LRRK1: variants seen among roughly 807,000 people sequenced by gnomAD.
LRRK1 encodes the protein leucine-rich repeat serine/threonine-protein kinase 1.
Under a neutral mutation model 209.1 loss-of-function variants are expected in LRRK1, and 113 were observed. That is an observed-to-expected ratio of 0.54 (90% CI 0.46 to 0.63). LRRK1 has a LOEUF of 0.63. Among genes scored for constraint, LRRK1 ranks in the 30% least tolerant of loss-of-function variants. The pLI, the probability that LRRK1 is intolerant of heterozygous loss-of-function variation, is 0.00. For synonymous variants in LRRK1, 1,144 were observed against 1,099.7 expected, an observed-to-expected ratio of 1.04 and a Z score of -0.80; for missense variants, 2,284 against 2,632.2, an observed-to-expected ratio of 0.87 and a Z score of 2.89.
At chr15:100,922,088 A>T (rs1053003937) in intron 1 of LRRK1, among the ~76,000 whole-genome samples, 5 of 152,370 alleles carry the variant, frequency 3.3e-5, no homozygotes, top group African/African-American at 1.2e-4. Context: ...AAGGAAATTG[A>T]TGAGGTTTTG....
chr15:100,999,817 T>A (rs1399177849), intron 6 of LRRK1, among the ~76,000 whole-genome samples: 1 of 152,242 alleles, frequency 6.6e-6, no homozygotes. Context: ...CCAGATTGTT[T>A]GCCTAGAGTC....
At chr15:101,006,859 A>T (rs1018474748) in intron 6 of LRRK1, among the ~76,000 whole-genome samples, 3 of 152,232 alleles carry the variant, frequency 2.0e-5, no homozygotes, top group African/African-American at 7.2e-5. Context: ...AATTTAAAAA[A>T]TTTTTCAAAA....
chr15:100,919,663 C>G lies in LRRK1; in HGVS notation c.-123+212C>G, dbSNP rs959899273. On this transcript the variant is annotated intron_variant, in intron 1 of 33. Transcript: ENST00000388948. This position sits in a 1 kb window ranked among gnomAD's most constrained non-coding sequence, Gnocchi z 5.8. ...GCGCGGAGGGCGTGTGGGGCGACCC[C>G]GGTCTCACGTCCCCGCTGCCTCCCG... Among the ~76,000 whole-genome samples the G allele has an allele frequency of 1.8e-4, 28 of 151,452 alleles. No homozygotes were observed. Among genetic ancestry groups the G allele is most frequent in the African/African-American group, 6.8e-4 (28 of 41,326 alleles).
intron 3 of LRRK1, among the ~76,000 whole-genome samples, chr15:100,980,522 C>T (rs947681412): frequency 7.9e-5 from 12 of 152,110 alleles, no homozygotes; most frequent in African/African-American, 2.7e-4. Flanking sequence ...AGTGGCTACT[C>T]AAGTCTACAT....
intron 9 of LRRK1, 81 bp downstream of exon 9, chr15:101,010,918 T>A: frequency 2.3e-6 from 3 of 1,322,528 alleles, no homozygotes; most frequent in Non-Finnish European, 3.1e-6. Context: ...AGGTGCATTA[T>A]GTCAGTTCAT....
intron 2 of LRRK1, among the ~76,000 whole-genome samples, chr15:100,935,122 G>A (rs1360426133): frequency 6.6e-6 from 1 of 152,184 alleles, no homozygotes; most frequent in African/African-American, 2.4e-5. Flanking sequence ...GGGAAGCCAG[G>A]AAAATGTCCT....
chr15:100,934,626 CAAAA>C (rs71151991), intron 2 of LRRK1, among the ~76,000 whole-genome samples: 1,037 of 72,318 alleles, frequency 0.014, 12 homozygotes, highest in African/African-American at 0.059. Context: ...CCCATCTCTA[CAAAA>C]AAAAAAAAAA....
intron 20 of LRRK1, among the ~76,000 whole-genome samples, chr15:101,031,009 G>T (rs888292556): frequency 1.3e-5 from 2 of 152,118 alleles, no homozygotes; most frequent in African/African-American, 2.4e-5. Flanking sequence ...TACGATGTTG[G>T]GTTTCCCATT....
chr15:100,948,548 T>A (rs1201100196), intron 2 of LRRK1, among the ~76,000 whole-genome samples: 1 of 152,232 alleles, frequency 6.6e-6, no homozygotes, highest in Non-Finnish European at 1.5e-5. Flanking sequence ...TCGCCATTTG[T>A]CTTTTTACCT....
chr15:101,030,697 A>T (rs911914281), intron 20 of LRRK1, among the ~76,000 whole-genome samples: 6 of 152,024 alleles, frequency 3.9e-5, no homozygotes, highest in African/African-American at 1.5e-4. Flanking sequence ...CCAGTGAAAC[A>T]ATTCTGTTGA....
chr15:101,018,839 G>A (rs1373568186), intron 12 of LRRK1, among the ~76,000 whole-genome samples: 1 of 152,184 alleles, frequency 6.6e-6, no homozygotes, highest in Admixed American at 6.5e-5. Context: ...AAAGAAGGCG[G>A]CTCTTTGCAA....
rs746487549 is a variant in LRRK1 at position 101,025,957 on chromosome 15, T to C, written c.2233-8T>C. On this transcript the variant is annotated splice_region_variant and splice_polypyrimidine_tract_variant and intron_variant, in intron 16 of 33. Coordinates refer to ENST00000388948, the MANE Select transcript of LRRK1 (RefSeq NM_024652.6). Reference sequence around the variant, plus strand: ...GACAGTACTCAGCCGTGGGGTTCTCTGTTGCAGGCCAAGGCCCCAAACGCC... The same window carrying C: ...GACAGTACTCAGCCGTGGGGTTCTCCGTTGCAGGCCAAGGCCCCAAACGCC... 1.2e-6 allele frequency: 2 copies of C among 1,613,972 alleles called. No individual in the cohort carries two copies. The highest frequency in any genetic ancestry group is 1.3e-5 in the African/African-American group (1 of 74,938).
Position 100,983,561 on chromosome 15 carries a change from G to A in LRRK1, c.295G>A (p.Asp99Asn). 6.2e-7 allele frequency: 1 copy of A among 1,609,384 alleles called. No homozygotes were observed. The highest frequency in any genetic ancestry group is 8.5e-7 in the Non-Finnish European group (1 of 1,176,974). Residue 99 changes from aspartate to asparagine, a missense_variant, in exon 4 of 34, where the codon GAT becomes AAT. This residue lies in a region of LRRK1 where 134 missense variants were observed against 191.7 expected (regional missense o/e 0.70). Coordinates refer to ENST00000388948, the MANE Select transcript of LRRK1 (RefSeq NM_024652.6). Reference protein sequence around the residue: ...QLLSIPAAYGDLEMVRYLLSK... With the variant: ...QLLSIPAAYGNLEMVRYLLSK... ...TCTGAGCATCCCGGCAGCCTATGGG[G>A]ATCTGGAGATGGTCCGCTACCTACT... is the stretch of plus-strand genomic sequence containing the variant.
At position 101,024,930 on chromosome 15, in the gene LRRK1, C is replaced by T. The variant is rs2033953814; in HGVS notation, c.2195C>T (p.Ala732Val). ...VVWNLALGEE[A>V]VANLQFWLLN... is the part of the protein sequence containing the mutation. ...TGGAACCTGGCGCTGGGGGAGGAGG[C>T]CGTGGCCAACCTCCAGTTCTGGCTG... The change falls in exon 16 of 34, where the codon GCC (alanine) becomes GTC (valine). Residue 732 changes from alanine (A) to valine (V), a missense_variant. By Grantham distance (64) the Ala-to-Val change is moderately conservative (BLOSUM62 0). This residue lies in a region of LRRK1 where 780 missense variants were observed against 985.2 expected (regional missense o/e 0.79). Coordinates refer to ENST00000388948, the MANE Select transcript of LRRK1 (RefSeq NM_024652.6). This position sits in a 1 kb window ranked among gnomAD's most constrained non-coding sequence, Gnocchi z 4.6. The T allele has an allele frequency of 6.2e-7, 1 of 1,613,872 alleles. No homozygotes were observed. Among genetic ancestry groups the T allele is most frequent in the Non-Finnish European group, 8.5e-7 (1 of 1,179,990 alleles).
intron 20 of LRRK1, among the ~76,000 whole-genome samples, chr15:101,034,554 A>G (rs1473002881): frequency 1.3e-5 from 2 of 152,196 alleles, no homozygotes; most frequent in Non-Finnish European, 2.9e-5. Flanking sequence ...GTTGAGAATC[A>G]GTTGACTGTA....
chr15:101,011,574 A>G (rs140881976), intron 9 of LRRK1, among the ~76,000 whole-genome samples: 70 of 123,666 alleles, frequency 5.7e-4, no homozygotes, highest in African/African-American at 2.1e-3. Flanking sequence ...CAGATGGAAT[A>G]GCATGAAGAA....
At chr15:100,984,691 C>A (rs908980781) in intron 4 of LRRK1, among the ~76,000 whole-genome samples, 7 of 151,984 alleles carry the variant, frequency 4.6e-5, no homozygotes, top group African/African-American at 7.3e-5. Flanking sequence ...AATAATATTC[C>A]ATTGTATTGG....
chr15:100,950,869 CA>C (rs2042631977), intron 2 of LRRK1, among the ~76,000 whole-genome samples: 4 of 152,110 alleles, frequency 2.6e-5, no homozygotes, highest in Admixed American at 2.6e-4. Flanking sequence ...TTTGGGAGGC[CA>C]AGGCGGGCAG....
chr15:100,956,179 C>G (rs2042752696), intron 2 of LRRK1, among the ~76,000 whole-genome samples: 2 of 151,862 alleles, frequency 1.3e-5, no homozygotes, highest in Non-Finnish European at 2.9e-5. Context: ...TCATTATTGG[C>G]CTGTTCAGAT....
Sources: gnomAD v4.1 joint callset for allele counts (sites outside exome capture counted in the v4.1 genomes callset) on GRCh38, gnomAD v4.1.1 for gene constraint, gnomAD v4.1.1 regional missense constraint, Gnocchi (gnomAD v3.1) non-coding constraint, MANE v1.5 for transcripts, NCBI Gene and HGNC (gene_info 2026-07-23, HGNC 2026-07-21) for gene names.